The following COPS2 variants were observed in gnomAD, a reference collection of about 807,000 sequenced individuals.
COPS2 encodes the protein COP9 signalosome complex subunit 2.
In COPS2, 10 loss-of-function variants were observed where a neutral mutation model predicts 66.1. That is an observed-to-expected ratio of 0.15 (90% confidence interval 0.09 to 0.26). COPS2 has a LOEUF of 0.26. COPS2 is among the 10% of genes least tolerant of loss of function. COPS2 has a pLI of 1.00. For synonymous variants in COPS2, 179 were observed against 171.3 expected (o/e 1.04, Z -0.35); for missense variants, 215 against 513.3 (o/e 0.42, Z 5.62).
At chr15:49,145,881 T>G (rs1395860744) in intron 1 of COPS2, among the ~76,000 whole-genome samples, 1 of 152,144 alleles carries the variant, frequency 6.6e-6, no homozygotes, top group African/African-American at 2.4e-5. Context: ...TAATGGAAAT[T>G]ATTATCTTAT....
chr15:49,155,595 A>G lies in COPS2; in HGVS notation c.-17T>C, dbSNP rs1205867743. On this transcript the variant is annotated 5_prime_UTR_variant, in exon 1 of 13. Coordinates refer to ENST00000388901, the MANE Select transcript of COPS2 (RefSeq NM_004236.4). Reference sequence around the variant, plus strand: ...GTCAGACATCTTGGCCGGGAGGGGGAGGAGAAATTGGAGACAACCTCCTCC... The same window carrying G: ...GTCAGACATCTTGGCCGGGAGGGGGGGGAGAAATTGGAGACAACCTCCTCC... 2 of 1,613,360 alleles carry G rather than the reference A, an allele frequency of 1.2e-6. No individual in the cohort carries two copies. The highest frequency in any genetic ancestry group is 8.5e-7 in the Non-Finnish European group (1 of 1,179,412).
intron 9 of COPS2, among the ~76,000 whole-genome samples, chr15:49,131,227 T>C (rs2084206053): frequency 6.6e-6 from 1 of 152,108 alleles, no homozygotes; most frequent in Non-Finnish European, 1.5e-5. Flanking sequence ...GTACACTACA[T>C]GAAGGGGTGT....
At chr15:49,155,433 A>G (rs1566888807) in intron 1 of COPS2, 92 bp downstream of exon 1, 1 of 1,177,326 alleles carries the variant, frequency 8.5e-7, no homozygotes, top group East Asian at 2.3e-5. Context: ...TAAACGGCAC[A>G]TGCTCTACGG....
At chr15:49,155,175 G>A (rs1172787927) in intron 1 of COPS2, among the ~76,000 whole-genome samples, 1 of 152,248 alleles carries the variant, frequency 6.6e-6, no homozygotes, top group Non-Finnish European at 1.5e-5. Flanking sequence ...CAAAGCCAGG[G>A]CCTACACCGC....
intron 9 of COPS2, among the ~76,000 whole-genome samples, chr15:49,132,725 TG>T (rs1295685152): frequency 6.6e-6 from 1 of 152,074 alleles, no homozygotes; most frequent in Non-Finnish European, 1.5e-5. Flanking sequence ...ACAAAAACCC[TG>T]GGTTCCATTT....
chr15:49,146,890 C>A (rs2084324499), intron 1 of COPS2, among the ~76,000 whole-genome samples: 1 of 152,122 alleles, frequency 6.6e-6, no homozygotes, highest in Non-Finnish European at 1.5e-5. Flanking sequence ...ACCTTATCTC[C>A]TATCTAGTTC....
At chr15:49,153,866 A>T (rs2141136280) in intron 1 of COPS2, among the ~76,000 whole-genome samples, 1 of 152,318 alleles carries the variant, frequency 6.6e-6, no homozygotes, top group South Asian at 2.1e-4. Flanking sequence ...GTAGAATGAT[A>T]GGAAGGGTGT....
At position 49,137,163 on chromosome 15, in the gene COPS2, T is replaced by C. The variant is rs1429106377; in HGVS notation, c.527A>G (p.His176Arg). ...AGGGAAAGCTACCTGGCACGACTGA[T>C]GTAACTGGCGTAAAATTTTTTGAAG... ...GKLQKILRQL[H>R]QSCQTDDGED... The change falls in exon 6 of 13, where the codon CAT (histidine) becomes CGT (arginine). Residue 176 changes from histidine (H) to arginine (R), a missense_variant. His to Arg is a conservative substitution (Grantham distance 29). Around this residue, in one of 5 missense-constraint regions of COPS2, gnomAD observed 90 missense variants for 225.1 expected, o/e 0.40. Transcript: ENST00000388901. 1.1e-5 allele frequency: 17 copies of C among 1,601,096 alleles called. No individual in the cohort carries two copies. The highest frequency in any genetic ancestry group is 1.7e-5 in the Admixed American group (1 of 57,444).
chr15:49,128,817 C>A lies in COPS2; in HGVS notation c.1129-57G>T. Reference sequence around the variant, plus strand: ...ACATTTTAAAGACTTCATAATTTTACACAATCATTCTAATTTTAATTCATT... The same window carrying A: ...ACATTTTAAAGACTTCATAATTTTAAACAATCATTCTAATTTTAATTCATT... On this transcript the variant is annotated intron_variant, in intron 11 of 12. Coordinates refer to ENST00000388901, the MANE Select transcript of COPS2 (RefSeq NM_004236.4). The A allele has an allele frequency of 4.6e-6, 5 of 1,096,232 alleles. No homozygotes were observed. The Admixed American group carries it at 6.7e-5, about 15-fold the overall frequency. The allele number at this position is 1,096,232 out of a possible 1,614,324, so 67.9% of individuals were successfully genotyped here.
chr15:49,129,521 AT>A lies in COPS2; in HGVS notation c.1083del (p.Lys361AsnfsTer2). ...TGTATTCTTGTGTAAGGCTTAATTA[AT>A]TTTATAAGCACTTGTGTTCTGATGT... ...LRNIRTQVLI[K>X]LIKPYTRIHI... On this transcript the variant is annotated frameshift_variant, in exon 11 of 13. Transcript: ENST00000388901. LOFTEE classifies it high-confidence loss of function. 6.6e-7 allele frequency: 1 copy of A among 1,512,556 alleles called. No individual in the cohort carries two copies. The highest frequency in any genetic ancestry group is 8.9e-7 in the Non-Finnish European group (1 of 1,125,490). The allele number at this position is 1,512,556 out of a possible 1,614,324, so 93.7% of individuals were successfully genotyped here.
At chr15:49,147,621 T>G (rs1248640361) in intron 1 of COPS2, among the ~76,000 whole-genome samples, 1 of 151,892 alleles carries the variant, frequency 6.6e-6, no homozygotes, top group Non-Finnish European at 1.5e-5. Context: ...ACACAGTGTC[T>G]TGTCATTCAG....
chr15:49,147,247 T>C (rs1032874174), intron 1 of COPS2, among the ~76,000 whole-genome samples: 3 of 152,178 alleles, frequency 2.0e-5, no homozygotes, highest in African/African-American at 7.2e-5. Context: ...GAGGAATAGC[T>C]TGCTGAACCA....
chr15:49,133,408 C>T (rs987341671), intron 9 of COPS2, among the ~76,000 whole-genome samples: 4 of 152,152 alleles, frequency 2.6e-5, no homozygotes, highest in African/African-American at 4.8e-5. Flanking sequence ...TGGACTAGTT[C>T]GTAATTTCAT....
chr15:49,137,230 G>A lies in COPS2; in HGVS notation c.463-3C>T, dbSNP rs1238434287. 1.9e-6 allele frequency: 3 copies of A among 1,587,448 alleles called. No individual in the cohort carries two copies. Among genetic ancestry groups the A allele is most frequent in the East Asian group, 2.2e-5 (1 of 44,652 alleles). ...CGTTCTAAATATAATTTTCCAAGCT[G>A]CAAGAAAGCAAATTTATTAAAATCA... On this transcript the variant is annotated splice_polypyrimidine_tract_variant and splice_region_variant and intron_variant, in intron 5 of 12. Coordinates refer to ENST00000388901, the MANE Select transcript of COPS2 (RefSeq NM_004236.4).
At chr15:49,150,429 T>C (rs563191184) in intron 1 of COPS2, among the ~76,000 whole-genome samples, 55 of 152,140 alleles carry the variant, frequency 3.6e-4, no homozygotes, top group Non-Finnish European at 6.9e-4. Flanking sequence ...GCTATGTACA[T>C]AGCACTGGCA....
At chr15:49,155,399 C>T in intron 1 of COPS2, 126 bp downstream of exon 1, 2 of 833,962 alleles carry the variant, frequency 2.4e-6, no homozygotes, top group South Asian at 1.5e-5. Flanking sequence ...TAAACCAGTC[C>T]TGTCACCGCA....
At chr15:49,130,659 T>C (rs762506279) in intron 10 of COPS2, 60 bp downstream of exon 10, 15 of 943,308 alleles carry the variant, frequency 1.6e-5, no homozygotes, top group Non-Finnish European at 2.5e-5. Context: ...CTTCATTAAG[T>C]GGCATTTCTT....
At chr15:49,144,829 GTGCTGCCTAA>G in intron 2 of COPS2, 126 bp downstream of exon 2, 1 of 537,034 alleles carries the variant, frequency 1.9e-6, no homozygotes, top group Non-Finnish European at 3.2e-6. Context: ...ACACTTGCTT[GTGCTGCCTAA>G]TGCTAACTGA....
intron 1 of COPS2, among the ~76,000 whole-genome samples, chr15:49,154,234 G>A (rs1283200519): frequency 6.6e-6 from 1 of 152,036 alleles, no homozygotes; most frequent in Non-Finnish European, 1.5e-5. Context: ...AAATAAACAG[G>A]TAATAAGTAA....
Sources: gnomAD v4.1 joint callset for allele counts (sites outside exome capture counted in the v4.1 genomes callset) on GRCh38, gnomAD v4.1.1 for gene constraint, gnomAD v4.1.1 regional missense constraint, MANE v1.5 for transcripts, NCBI Gene and HGNC (gene_info 2026-07-23, HGNC 2026-07-21) for gene names.